The following PBX1 variants were observed in gnomAD, a reference collection of about 807,000 sequenced individuals.
PBX1 encodes the protein pre-B-cell leukemia transcription factor 1.
Under a neutral mutation model 53.4 loss-of-function variants are expected in PBX1, and 6 were observed. That is an observed-to-expected ratio of 0.11 (90% confidence interval 0.06 to 0.22). The LOEUF (loss-of-function observed/expected upper bound fraction) is 0.22, where lower values mean the gene tolerates loss of function less well. Among genes scored for constraint, PBX1 ranks in the 10% least tolerant of loss-of-function variants. The pLI is 1.00. For missense variants in PBX1, 251 were observed against 551.4 expected (o/e 0.46, Z 5.46); for synonymous variants, 204 against 212.3 (o/e 0.96, Z 0.34).
At chr1:164,862,552 C>T (rs1279854046) in intron 2 of PBX1, among the ~76,000 whole-genome samples, 5 of 152,164 alleles carry the variant, frequency 3.3e-5, no homozygotes, top group East Asian at 1.9e-4. Context: ...TAGGAGAAGA[C>T]GGAACAACTG....
chr1:164,633,543 A>G (rs545624408), intron 2 of PBX1, among the ~76,000 whole-genome samples: 204 of 152,162 alleles, frequency 1.3e-3, no homozygotes, highest in Non-Finnish European at 1.3e-3. Flanking sequence ...GGGTCTCAGT[A>G]TGGACTGTTT....
At chr1:164,717,735 G>T (rs1385580908) in intron 2 of PBX1, among the ~76,000 whole-genome samples, 2 of 152,136 alleles carry the variant, frequency 1.3e-5, no homozygotes, top group East Asian at 3.9e-4. Context: ...TTGGCTGAAG[G>T]CGTCAGAGGT....
At chr1:164,739,267 G>T (rs1228831602) in intron 2 of PBX1, among the ~76,000 whole-genome samples, 1 of 152,110 alleles carries the variant, frequency 6.6e-6, no homozygotes, top group Non-Finnish European at 1.5e-5. Flanking sequence ...GCCTAAAATG[G>T]GCTCCACATT....
At position 164,559,255 on chromosome 1, in the gene PBX1, G is replaced by C. The variant is rs1652832844; in HGVS notation, c.-568G>C. On this transcript the variant is annotated 5_prime_UTR_variant, in exon 1 of 9. Coordinates refer to ENST00000420696, the MANE Select transcript of PBX1 (RefSeq NM_002585.4). ...CGGAGGAGGAGAGAGCCTGTGCTTTGCCTGCCGCCGCGGCTGGGGGAGATC... is the reference window on the plus strand; with the variant it reads ...CGGAGGAGGAGAGAGCCTGTGCTTTCCCTGCCGCCGCGGCTGGGGGAGATC... 1.1e-5 allele frequency: 2 copies of C among 185,772 alleles called. No individual in the cohort carries two copies. The highest frequency in any genetic ancestry group is 4.7e-5 in the African/African-American group (2 of 42,352). 11.5% of individuals were successfully genotyped at this position (185,772 alleles called of 1,614,324 possible).
intron 2 of PBX1, 129 bp downstream of exon 2, chr1:164,563,440 C>T (rs927544639): frequency 7.9e-6 from 4 of 503,640 alleles, no homozygotes; most frequent in South Asian, 3.2e-5. Context: ...ACCTCATATT[C>T]GAATAGGAAG....
Position 164,868,727 on chromosome 1 carries a change from A to G in PBX1, n.258-30461A>G, listed in dbSNP as rs149454612. Among the ~76,000 whole-genome samples, 704 of 152,298 alleles carry G rather than the reference A, an allele frequency of 4.6e-3. 7 individuals are homozygous for G. Among genetic ancestry groups the G allele is most frequent in the South Asian group, 0.036 (175 of 4,824 alleles). On this transcript the variant is annotated intron_variant and non_coding_transcript_variant, in intron 2 of 2. Coordinates refer to the PBX1 transcript ENST00000558796. ...TTTTATGGAAGATCTGGGCTTGTCC[A>G]CAGAGGCTCCTAGCAGTCTGCGAGC...
chr1:164,861,017 G>C (rs1280869058), intron 2 of PBX1, among the ~76,000 whole-genome samples: 1 of 151,050 alleles, frequency 6.6e-6, no homozygotes, highest in African/African-American at 2.4e-5. Context: ...GGGCAAAAGA[G>C]GAGAGAAAAA....
intron 3 of PBX1, 116 bp from the exon 4 acceptor site, chr1:164,799,583 T>C (rs892855152): frequency 1.3e-5 from 11 of 842,390 alleles, no homozygotes; most frequent in Middle Eastern, 2.6e-4. Flanking sequence ...CAAACTATCC[T>C]AGTTTTCTTT....
At position 164,640,545 on chromosome 1, in the gene PBX1, GT is replaced by G. The variant is rs751957824; in HGVS notation, c.265+77244del. On this transcript the variant is annotated intron_variant, in intron 2 of 8. Coordinates refer to ENST00000420696, the MANE Select transcript of PBX1 (RefSeq NM_002585.4). ...TTTCTGTGGTTCCTCGTTTTTTGGT[GT>G]TTTTTTTTTGTGTTTTTTTTTTTTT... 8.5e-4 allele frequency among the ~76,000 whole-genome samples: 98 copies of G among 115,326 alleles called. 1 individual carries two copies. Among genetic ancestry groups the G allele is most frequent in the African/African-American group, 2.6e-3 (84 of 32,502 alleles). 75.7% of individuals were successfully genotyped at this position (115,326 alleles called of 152,430 possible).
At chr1:164,883,798 A>T (rs561174348) in intron 2 of PBX1, among the ~76,000 whole-genome samples, 2 of 152,330 alleles carry the variant, frequency 1.3e-5, no homozygotes, top group South Asian at 4.1e-4. Context: ...AGTACAAATT[A>T]ATCTTAGATG....
intron 2 of PBX1, among the ~76,000 whole-genome samples, chr1:164,655,889 A>C (rs1571160397): frequency 1.3e-5 from 2 of 152,336 alleles, no homozygotes; most frequent in South Asian, 4.1e-4. Context: ...TTTGTATGAC[A>C]AATGAGGCTA....
intron 1 of PBX1, among the ~76,000 whole-genome samples, chr1:164,562,229 C>G (rs2101685367): frequency 6.6e-6 from 1 of 152,148 alleles, no homozygotes; most frequent in East Asian, 1.9e-4. Context: ...GAGGATGTGT[C>G]TATTTTTTAA....
intron 2 of PBX1, among the ~76,000 whole-genome samples, chr1:164,618,310 G>GGGGC (rs1657436581): frequency 7.1e-6 from 1 of 140,590 alleles, no homozygotes; most frequent in Non-Finnish European, 1.5e-5. Flanking sequence ...GGGGGGGGGG[G>GGGGC]CACTCAAGAT....
intron 2 of PBX1, among the ~76,000 whole-genome samples, chr1:164,623,770 C>T (rs949301575): frequency 2.0e-5 from 3 of 152,158 alleles, no homozygotes; most frequent in African/African-American, 4.8e-5. Flanking sequence ...TTAACAAACT[C>T]GAGTCGTGCC....
intron 2 of PBX1, among the ~76,000 whole-genome samples, chr1:164,687,870 A>G (rs1207403860): frequency 1.3e-5 from 2 of 152,204 alleles, no homozygotes; most frequent in Non-Finnish European, 2.9e-5. Context: ...AATAACTTTG[A>G]TAAGAACCAG....
chr1:164,663,540 A>G (rs556088607), intron 2 of PBX1, among the ~76,000 whole-genome samples: 1 of 152,322 alleles, frequency 6.6e-6, no homozygotes, highest in African/African-American at 2.4e-5. Context: ...ACGTAAAGAT[A>G]CTTATCATCG....
Position 164,881,592 on chromosome 1 carries a change from G to GAAGGA in PBX1, n.258-17569_258-17565dup, listed in dbSNP as rs71097555. On this transcript the variant is annotated intron_variant and non_coding_transcript_variant, in intron 2 of 2. Coordinates refer to the PBX1 transcript ENST00000558796. ...GAGAGAGAGAGAGGAAGGAAGGGAG[G>GAAGGA]AAGGAAAGGAAAGGAAAGGAAAGGA... is the stretch of plus-strand genomic sequence containing the variant. Among the ~76,000 whole-genome samples, 1,043 of 94,104 alleles carry GAAGGA rather than the reference G, an allele frequency of 0.011. 53 individuals are homozygous for GAAGGA. In the East Asian group the frequency reaches 0.11, roughly 10 times the overall value. 61.7% of individuals were successfully genotyped at this position (94,104 alleles called of 152,430 possible). A position where few individuals can be genotyped will look rare whatever the true frequency, so the allele number is the denominator to read the frequency against.
intron 2 of PBX1, among the ~76,000 whole-genome samples, chr1:164,861,149 G>A (rs1672086952): frequency 1.3e-5 from 2 of 152,130 alleles, no homozygotes; most frequent in Non-Finnish European, 2.9e-5. Context: ...GGCGTATAAG[G>A]CATGAGAGAT....
At chr1:164,680,191 A>C (rs1661680604) in intron 2 of PBX1, 1 of 152,198 alleles carries the variant, frequency 6.6e-6, no homozygotes, top group African/African-American at 2.4e-5. Flanking sequence ...GATCCTATAG[A>C]TATTTCATAA....
Sources: gnomAD v4.1 joint callset for allele counts (sites outside exome capture counted in the v4.1 genomes callset) on GRCh38, gnomAD v4.1.1 for gene constraint, MANE v1.5 for transcripts, NCBI Gene and HGNC (gene_info 2026-07-23, HGNC 2026-07-21) for gene names.